Variants in ZFP90 observed in about 807,000 individuals in gnomAD.
The protein encoded by ZFP90 is ZFP90 zinc finger protein, also known as zinc finger protein 90 homolog.
A neutral mutation model predicts 60.8 loss-of-function variants in ZFP90; 38 were observed. That is an observed-to-expected ratio of 0.62 (90% confidence interval 0.48 to 0.82). The LOEUF (loss-of-function observed/expected upper bound fraction) is 0.82, where lower values mean the gene tolerates loss of function less well. Among genes scored for constraint, ZFP90 ranks in the 40% least tolerant of loss-of-function variants. ZFP90 has a pLI of 0.00. For synonymous variants in ZFP90, 287 were observed against 264.8 expected, an observed-to-expected ratio of 1.08 and a Z score of -0.82; for missense variants, 711 against 759.1, an observed-to-expected ratio of 0.94 and a Z score of 0.74.
At position 68,563,461 on chromosome 16, in the gene ZFP90, C is replaced by T. The variant is rs749134459; in HGVS notation, c.674C>T (p.Ser225Leu). ...AGAAAAGCCTTTATTCATAGATCAT[C>T]GCTTACTAAACATGAGAAAACACAT... ...KCRKAFIHRS[S>L]LTKHEKTHKG... is the part of the protein sequence containing the mutation. Residue 225 changes from serine to leucine, a missense_variant, in exon 5 of 5, where the codon TCG becomes TTG. Around this residue, in one of 5 missense-constraint regions of ZFP90, gnomAD observed 241 missense variants for 247.6 expected, o/e 0.97. Transcript: ENST00000563169. 30 of 1,613,972 alleles carry T rather than the reference C, an allele frequency of 1.9e-5. No individual in the cohort carries two copies. Among genetic ancestry groups the T allele is most frequent in the Admixed American group, 5.0e-5 (3 of 59,984 alleles).
chr16:68,559,249 A>G (rs183725649), intron 4 of ZFP90, among the ~76,000 whole-genome samples: 141 of 152,084 alleles, frequency 9.3e-4, no homozygotes, highest in Admixed American at 9.2e-3. Context: ...TATGCCATAG[A>G]CTCAGAAGTC....
upstream of ZFP90, among the ~76,000 whole-genome samples, chr16:68,534,701 C>T (rs914814793): frequency 4.0e-5 from 6 of 151,392 alleles, no homozygotes; most frequent in South Asian, 6.3e-4. Context: ...GTCAGGAGAT[C>T]GAGACCATCC....
chr16:68,558,931 G>A (rs2091390826), intron 4 of ZFP90, among the ~76,000 whole-genome samples: 2 of 152,082 alleles, frequency 1.3e-5, no homozygotes, highest in South Asian at 4.1e-4. Context: ...CCCCAGACTT[G>A]TAGGAAACAC....
At chr16:68,543,891 C>T (rs1321249813) in intron 2 of ZFP90, among the ~76,000 whole-genome samples, 2 of 132,652 alleles carry the variant, frequency 1.5e-5, no homozygotes, top group Admixed American at 8.4e-5. Context: ...GAGGTAGAGT[C>T]TTGCTCTATC....
At chr16:68,560,792 A>C (rs958722045) in intron 4 of ZFP90, among the ~76,000 whole-genome samples, 2 of 151,670 alleles carry the variant, frequency 1.3e-5, no homozygotes, top group African/African-American at 4.8e-5. Flanking sequence ...TCAAACTCCT[A>C]GCCTAATATG....
At chr16:68,538,061 C>A (rs573044715), upstream of ZFP90, among the ~76,000 whole-genome samples, 271 of 152,116 alleles carry the variant, frequency 1.8e-3, 1 homozygote, top group African/African-American at 6.3e-3. Flanking sequence ...TACAGGCATG[C>A]GCCACCAAGC....
intron 2 of ZFP90, among the ~76,000 whole-genome samples, chr16:68,545,875 T>C (rs1303741758): frequency 6.6e-6 from 1 of 151,406 alleles, no homozygotes; most frequent in Non-Finnish European, 1.5e-5. Flanking sequence ...GTATTACTTT[T>C]GTTAAAGTAT....
chr16:68,567,882 GA>G (rs2091546725), downstream of ZFP90, among the ~76,000 whole-genome samples: 1 of 152,210 alleles, frequency 6.6e-6, no homozygotes. Context: ...TGATGGTGGT[GA>G]TGCTTGGTTT....
rs2091527804 is a variant in ZFP90, at chr16:68,566,404, C to G, written c.*1706C>G. 1 of 985,428 alleles carries G rather than the reference C, an allele frequency of 1.0e-6. No individual in the cohort carries two copies. The allele number at this position is 985,428 out of a possible 1,614,324, so 61.0% of individuals were successfully genotyped here. ...GATATTGGTCGTATTGATGGTGAAC[C>G]TTTCCTACTGGATTCTTTGCATGCC... On this transcript the variant is annotated 3_prime_UTR_variant, in exon 5 of 5. Coordinates refer to ENST00000563169, the MANE Select transcript of ZFP90 (RefSeq NM_001305203.2).
intron 2 of ZFP90, among the ~76,000 whole-genome samples, chr16:68,543,509 AG>A (rs2091089562): frequency 6.6e-6 from 1 of 152,066 alleles, no homozygotes. Context: ...GTGTATTTAT[AG>A]GATTGTTAGT....
chr16:68,562,873 G>T, intron 4 of ZFP90, 171 bp from the exon 5 acceptor site: 1 of 1,451,914 alleles, frequency 6.9e-7, no homozygotes, highest in Non-Finnish European at 9.3e-7. Context: ...TGCAGTCTTT[G>T]CTATCATTTC....
intron 2 of ZFP90, among the ~76,000 whole-genome samples, chr16:68,549,845 G>A (rs997262391): frequency 6.6e-5 from 10 of 152,094 alleles, no homozygotes; most frequent in Non-Finnish European, 2.9e-5. Flanking sequence ...AGGATGACTA[G>A]GAATTTTTCC....
chr16:68,536,222 C>G (rs574801735), upstream of ZFP90, among the ~76,000 whole-genome samples: 11 of 152,296 alleles, frequency 7.2e-5, no homozygotes, highest in South Asian at 2.1e-4. Context: ...TGTTTGAGTG[C>G]TCTTTCTCAC....
chr16:68,572,587 G>A (rs1426693932), intron 2 of ZFP90, among the ~76,000 whole-genome samples: 1 of 152,204 alleles, frequency 6.6e-6, no homozygotes, highest in East Asian at 1.9e-4. Flanking sequence ...ATGTAAGGAG[G>A]TTCTGATCCA....
chr16:68,558,541 G>A lies in ZFP90; in HGVS notation c.229G>A (p.Gly77Arg). 1 of 1,614,008 alleles carries A rather than the reference G, an allele frequency of 6.2e-7. No homozygotes were observed. The highest frequency in any genetic ancestry group is 8.5e-7 in the Non-Finnish European group (1 of 1,179,984). The change falls in exon 4 of 5, where the codon GGA becomes AGA. Residue 77 changes from glycine (G) to arginine (R), a missense_variant. Around this residue, in one of 5 missense-constraint regions of ZFP90, gnomAD observed 241 missense variants for 247.6 expected, o/e 0.97. Transcript: ENST00000563169. Reference sequence around the variant, plus strand: ...AGGAGAAGAGCCATGGATATCAGAGGGAGAAATCCAACGACCTTTCTATCC... The same window carrying A: ...AGGAGAAGAGCCATGGATATCAGAGAGAGAAATCCAACGACCTTTCTATCC... Reference protein sequence around the residue: ...EQGEEPWISEGEIQRPFYPDW... With the variant: ...EQGEEPWISEREIQRPFYPDW...
chr16:68,540,903 C>T (rs1403060687), intron 2 of ZFP90, among the ~76,000 whole-genome samples: 12 of 136,298 alleles, frequency 8.8e-5, no homozygotes, highest in Middle Eastern at 3.9e-3. Context: ...GCATACAATA[C>T]ATCATGCCTT....
intron 2 of ZFP90, among the ~76,000 whole-genome samples, chr16:68,546,669 G>A (rs529161726): frequency 2.0e-5 from 3 of 152,170 alleles, no homozygotes; most frequent in African/African-American, 7.2e-5. Context: ...GCGCCACCAC[G>A]CCCAGCTAAT....
rs573446293 is a variant in ZFP90, at chr16:68,565,307, G to A, written c.*609G>A. ...CCTGGATTTGGGGCCCCATGGCCTT[G>A]CCAGTGAAAAGGTTATTTTTGGACT... On this transcript the variant is annotated 3_prime_UTR_variant, in exon 5 of 5. Transcript: ENST00000563169. 1.7e-4 allele frequency: 166 copies of A among 985,542 alleles called. 1 individual carries two copies. The South Asian group carries it at 5.0e-3, about 30-fold the overall frequency. The allele number at this position is 985,542 out of a possible 1,614,324, so 61.0% of individuals were successfully genotyped here.
chr16:68,576,006 T>A (rs918254958), exon 3 of ZFP90: 14 of 380,972 alleles, frequency 3.7e-5, no homozygotes, highest in Non-Finnish European at 5.5e-5. Flanking sequence ...AAGCAGCAAA[T>A]GTTCCCCTTG....
Sources: allele counts gnomAD v4.1 joint callset (sites outside exome capture counted in the v4.1 genomes callset), GRCh38; gene constraint gnomAD v4.1.1; regional missense constraint gnomAD v4.1.1; transcripts MANE v1.5; gene names NCBI Gene and HGNC (gene_info 2026-07-23, HGNC 2026-07-21).